The following SAMD12 variants were observed in gnomAD, a reference collection of about 807,000 sequenced individuals.
SAMD12 encodes sterile alpha motif domain containing 12.
Under a neutral mutation model 15.0 loss-of-function variants are expected in SAMD12, and 9 were observed. The observed-to-expected ratio is 0.60, with a 90% CI of 0.36 to 1.05. The LOEUF (loss-of-function observed/expected upper bound fraction) is 1.05. Ranked by LOEUF, SAMD12 falls within the 50% of genes least tolerant of loss-of-function variation. The pLI is 0.01. For missense variants in SAMD12, 230 were observed against 234.2 expected (o/e 0.98, Z 0.12); for synonymous variants, 86 against 90.1 (o/e 0.96, Z 0.25).
chr8:118,549,021 C>T (rs1168599715), intron 2 of SAMD12, among the ~76,000 whole-genome samples: 2 of 152,216 alleles, frequency 1.3e-5, no homozygotes, highest in African/African-American at 2.4e-5. Flanking sequence ...ACGAAGCAGC[C>T]AGGAAGCTGG....
intron 4 of SAMD12, among the ~76,000 whole-genome samples, chr8:118,213,728 C>T (rs1276591851): frequency 1.3e-5 from 2 of 152,094 alleles, no homozygotes; most frequent in African/African-American, 2.4e-5. Flanking sequence ...AAGAGCAGAA[C>T]CTGGAAGACA....
intron 3 of SAMD12, among the ~76,000 whole-genome samples, chr8:118,413,387 T>C (rs1821514862): frequency 6.6e-6 from 1 of 152,184 alleles, no homozygotes; most frequent in Non-Finnish European, 1.5e-5. Flanking sequence ...ACACTTGGCA[T>C]ATTTAATCTG....
downstream of SAMD12, among the ~76,000 whole-genome samples, chr8:118,184,925 T>C (rs1475170406): frequency 6.6e-6 from 1 of 152,068 alleles, no homozygotes; most frequent in Non-Finnish European, 1.5e-5. Context: ...TTTGAAATCT[T>C]TGAAAGACTT....
At chr8:118,134,654 G>A in the SAMD12 span, among the ~76,000 whole-genome samples, 434 of 152,248 alleles carry the variant, frequency 2.9e-3, no homozygotes, top group Non-Finnish European at 5.4e-3. Context: ...AGGTGATTCC[G>A]ATGCCCAATA....
intron 2 of SAMD12, among the ~76,000 whole-genome samples, chr8:118,479,344 G>T (rs73315381): frequency 0.032 from 4,815 of 152,170 alleles, 200 homozygotes; most frequent in African/African-American, 0.096. Flanking sequence ...AAAATAGGTT[G>T]GATGGACTCA....
intron 4 of SAMD12, among the ~76,000 whole-genome samples, chr8:118,207,723 T>A (rs1055695207): frequency 1.3e-5 from 2 of 152,188 alleles, no homozygotes; most frequent in Admixed American, 6.5e-5. Context: ...TTATCTTTTC[T>A]CCTCTTTGCC....
intron 3 of SAMD12, among the ~76,000 whole-genome samples, chr8:118,411,333 G>A (rs1225820390): frequency 6.6e-6 from 1 of 152,188 alleles, no homozygotes; most frequent in Non-Finnish European, 1.5e-5. Context: ...CATCATCAAA[G>A]TAACAAAGGT....
At chr8:118,278,398 A>T (rs1813521306) in intron 4 of SAMD12, among the ~76,000 whole-genome samples, 1 of 152,202 alleles carries the variant, frequency 6.6e-6, no homozygotes, top group African/African-American at 2.4e-5. Context: ...GGTTAAGAAA[A>T]AGACTCTCTT....
intron 4 of SAMD12, among the ~76,000 whole-genome samples, chr8:118,241,161 G>A (rs1050812048): frequency 4.6e-5 from 7 of 152,084 alleles, no homozygotes; most frequent in African/African-American, 1.4e-4. Context: ...CTCATTTTCC[G>A]GGAGGACATT....
the SAMD12 span, among the ~76,000 whole-genome samples, chr8:118,148,747 C>A: frequency 1.3e-4 from 20 of 152,140 alleles, no homozygotes; most frequent in Non-Finnish European, 2.4e-4. Context: ...AACAGATTTG[C>A]CTTTCTGGAC....
At chr8:118,493,498 G>A (rs1244605548) in intron 2 of SAMD12, among the ~76,000 whole-genome samples, 1 of 152,166 alleles carries the variant, frequency 6.6e-6, no homozygotes, top group African/African-American at 2.4e-5. Context: ...CAGAATAACA[G>A]TCTCTCAAAA....
the SAMD12 span, among the ~76,000 whole-genome samples, chr8:118,135,849 C>T: frequency 2.6e-5 from 4 of 151,524 alleles, no homozygotes; most frequent in South Asian, 6.3e-4. Flanking sequence ...ATGCCCAGCC[C>T]AGAAATATTC....
chr8:118,367,402 T>A (rs1818856145), intron 4 of SAMD12, among the ~76,000 whole-genome samples: 1 of 152,160 alleles, frequency 6.6e-6, no homozygotes, highest in Non-Finnish European at 1.5e-5. Flanking sequence ...GACTGTAGGG[T>A]CTATACTTAT....
chr8:118,470,349 A>G (rs1823760339), intron 2 of SAMD12, among the ~76,000 whole-genome samples: 1 of 151,882 alleles, frequency 6.6e-6, no homozygotes, highest in African/African-American at 2.4e-5. Flanking sequence ...TGGCTTAGGT[A>G]TTAGGTTGTG....
chr8:118,184,106 A>G, the SAMD12 span, among the ~76,000 whole-genome samples: 5 of 152,332 alleles, frequency 3.3e-5, no homozygotes, highest in East Asian at 9.6e-4. Context: ...TTCAGAGACC[A>G]ATATCACATA....
intron 4 of SAMD12, among the ~76,000 whole-genome samples, chr8:118,308,819 A>C (rs1307625984): frequency 6.6e-6 from 1 of 151,690 alleles, no homozygotes; most frequent in African/African-American, 2.4e-5. Flanking sequence ...TCCCCATTTT[A>C]TTCTGCACCC....
intron 2 of SAMD12, among the ~76,000 whole-genome samples, chr8:118,491,812 G>A (rs1398856369): frequency 6.6e-6 from 1 of 152,146 alleles, no homozygotes; most frequent in Non-Finnish European, 1.5e-5. Flanking sequence ...GAAGCCCGTT[G>A]TATAAATACA....
chr8:118,455,215 A>G (rs1823209895), intron 2 of SAMD12, among the ~76,000 whole-genome samples: 1 of 151,722 alleles, frequency 6.6e-6, no homozygotes, highest in Admixed American at 6.6e-5. Flanking sequence ...GTAGCCTCTG[A>G]CACAATGGAA....
At chr8:118,467,978 T>C (rs1823645706) in intron 2 of SAMD12, among the ~76,000 whole-genome samples, 1 of 152,184 alleles carries the variant, frequency 6.6e-6, no homozygotes, top group Admixed American at 6.5e-5. Flanking sequence ...ATTTTATCCA[T>C]CCAATGGGAG....
Sources: allele counts gnomAD v4.1 joint callset (sites outside exome capture counted in the v4.1 genomes callset), GRCh38; gene constraint gnomAD v4.1.1; transcripts MANE v1.5; gene names NCBI Gene and HGNC (gene_info 2026-07-23, HGNC 2026-07-21).